Variants in PDIA6 observed in about 807,000 individuals in gnomAD.
PDIA6 encodes protein disulfide-isomerase A6.
A neutral mutation model predicts 58.4 loss-of-function variants in PDIA6; 29 were observed. The ratio of observed to expected loss-of-function variants is 0.50; its 90% confidence interval spans 0.37 to 0.68. PDIA6 has a LOEUF of 0.68. PDIA6 is among the 30% of genes least tolerant of loss of function. The pLI is 0.00. For synonymous variants in PDIA6, 192 were observed against 202.6 expected, an observed-to-expected ratio of 0.95 and a Z score of 0.44; for missense variants, 480 against 551.0, an observed-to-expected ratio of 0.87 and a Z score of 1.29.
chr2:10,828,292 G>A (rs1667611800), intron 1 of PDIA6, among the ~76,000 whole-genome samples: 2 of 152,176 alleles, frequency 1.3e-5, no homozygotes, highest in Non-Finnish European at 2.9e-5. Context: ...TGCTTTATCT[G>A]TATATCAATT....
chr2:10,826,814 C>A (rs138937456), intron 1 of PDIA6, among the ~76,000 whole-genome samples: 1 of 152,260 alleles, frequency 6.6e-6, no homozygotes, highest in African/African-American at 2.4e-5. Flanking sequence ...CCTCTGACGT[C>A]ACCTCAAACC....
chr2:10,792,994 TCAC>T, intron 5 of PDIA6, 99 bp downstream of exon 5: 1 of 761,402 alleles, frequency 1.3e-6, no homozygotes, highest in Non-Finnish European at 2.3e-6. Context: ...AATTGAGAGT[TCAC>T]CACTTTAACA....
At chr2:10,810,387 T>A in intron 1 of PDIA6, 1 of 1,487,660 alleles carries the variant, frequency 6.7e-7, no homozygotes, top group South Asian at 1.3e-5. Flanking sequence ...AGCAATAACG[T>A]CAGTCCTCTC....
At position 10,812,572 on chromosome 2, in the gene PDIA6, ACTTCCGGCCGC is replaced by A. The variant is rs1667048148; in HGVS notation, c.19+95_19+105del. 1.9e-5 allele frequency: 23 copies of A among 1,187,648 alleles called. No homozygotes were observed. In the South Asian group the frequency reaches 4.0e-4, roughly 21 times the overall value. The allele number at this position is 1,187,648 out of a possible 1,614,324, so 73.6% of individuals were successfully genotyped here. A position where few individuals can be genotyped will look rare whatever the true frequency, so the allele number is the denominator to read the frequency against. On this transcript the variant is annotated intron_variant, in intron 1 of 12. Transcript: ENST00000272227. ...CCCGCGCCTCCCGCCCGCCAGGCCC[ACTTCCGGCCGC>A]CTGCGGCCGCGGCCCGCCGGGGAAC... is the stretch of plus-strand genomic sequence containing the variant.
Position 10,786,196 on chromosome 2 carries a change from G to A in PDIA6, c.1157+1085C>T, listed in dbSNP as rs549402883. On this transcript the variant is annotated intron_variant, in intron 11 of 12. Coordinates refer to ENST00000272227, the MANE Select transcript of PDIA6 (RefSeq NM_005742.4). ...AAATTAGCTGGGCGTGGTGGCAGGC[G>A]CCTGTAATCCCAGCTACTCAGGAGG... is the stretch of plus-strand genomic sequence containing the variant. Among the ~76,000 whole-genome samples, 223 of 152,126 alleles carry A rather than the reference G, an allele frequency of 1.5e-3. 1 individual carries two copies. The highest frequency in any genetic ancestry group is 4.9e-3 in the African/African-American group (203 of 41,536).
chr2:10,793,333 TCTGA>T (rs1666124086), intron 4 of PDIA6, 131 bp from the exon 5 acceptor site: 1 of 625,178 alleles, frequency 1.6e-6, no homozygotes, highest in African/African-American at 1.8e-5. Flanking sequence ...CACGTGTATC[TCTGA>T]CAGAACACAC....
Position 10,790,893 on chromosome 2 carries a change from A to G in PDIA6, c.585-60T>C, listed in dbSNP as rs1666006080. The stretch of plus-strand genomic sequence containing the variant: ...GAGACACAGTCTCTCTCTGTTGCCC[A>G]GGCTGGAGTGCAGTGGTGCAATCAT... On this transcript the variant is annotated intron_variant, in intron 6 of 12. Transcript: ENST00000272227. 6.4e-6 allele frequency: 8 copies of G among 1,253,704 alleles called. No individual in the cohort carries two copies. In the East Asian group the frequency reaches 1.9e-4, roughly 29 times the overall value. The allele number at this position is 1,253,704 out of a possible 1,614,324, so 77.7% of individuals were successfully genotyped here. A position where few individuals can be genotyped will look rare whatever the true frequency, so the allele number is the denominator to read the frequency against.
chr2:10,810,111 G>C, intron 1 of PDIA6: 2 of 621,618 alleles, frequency 3.2e-6, no homozygotes, highest in Non-Finnish European at 5.8e-6. Context: ...AGTAACACTT[G>C]CGTGACTCTG....
At chr2:10,818,486 ATTTATTTATTT>A (rs1558460304) in intron 2 of PDIA6, among the ~76,000 whole-genome samples, 12 of 48,060 alleles carry the variant, frequency 2.5e-4, no homozygotes, top group African/African-American at 4.6e-4. Flanking sequence ...CATTTAATTT[ATTTATTTATTT>A]ATTTATTTAT....
chr2:10,834,694 T>C (rs1667785394), upstream of PDIA6, among the ~76,000 whole-genome samples: 1 of 115,028 alleles, frequency 8.7e-6, no homozygotes. Context: ...AGTGAACTAA[T>C]TTCTCTCCCT....
chr2:10,811,022 C>T (rs982584618), intron 1 of PDIA6, among the ~76,000 whole-genome samples: 1 of 152,214 alleles, frequency 6.6e-6, no homozygotes, highest in Non-Finnish European at 1.5e-5. Context: ...CTCTGTCCCA[C>T]ATCTGCTAGG....
intron 1 of PDIA6, among the ~76,000 whole-genome samples, chr2:10,823,988 C>T (rs868313588): frequency 4.6e-5 from 7 of 152,204 alleles, no homozygotes; most frequent in Admixed American, 1.3e-4. Flanking sequence ...TCCACTGAGG[C>T]CCTTGTAAGC....
Position 10,806,614 on chromosome 2 carries a change from C to T in PDIA6, c.20-3974G>A, listed in dbSNP as rs1158063850. On this transcript the variant is annotated intron_variant, in intron 1 of 12. Transcript: ENST00000272227. ...ACACAGAATAGCAAAACCACATCTCCTAAAAAATAAAGACAGAAAGAAAGA... is the reference window on the plus strand; with the variant it reads ...ACACAGAATAGCAAAACCACATCTCTTAAAAAATAAAGACAGAAAGAAAGA... Among the ~76,000 whole-genome samples, 4 of 50,550 alleles carry T rather than the reference C, an allele frequency of 7.9e-5. 1 individual carries two copies. The highest frequency in any genetic ancestry group is 1.9e-4 in the Non-Finnish European group (3 of 16,014). 33.2% of individuals were successfully genotyped at this position (50,550 alleles called of 152,430 possible).
chr2:10,785,211 C>A lies in PDIA6; in HGVS notation c.1158-181G>T, dbSNP rs566092026. The A allele has an allele frequency of 3.2e-5, 18 of 556,626 alleles. No individual in the cohort carries two copies. In the East Asian group the frequency reaches 5.3e-4, roughly 16 times the overall value. The allele number at this position is 556,626 out of a possible 1,614,324, so 34.5% of individuals were successfully genotyped here. ...ACATTATCTTTTTAATCACGGACAA[C>A]ATTACAACCAGATTCAACATTCCCA... On this transcript the variant is annotated intron_variant, in intron 11 of 12. Coordinates refer to ENST00000272227, the MANE Select transcript of PDIA6 (RefSeq NM_005742.4).
intron 1 of PDIA6, among the ~76,000 whole-genome samples, chr2:10,809,659 A>AAAAC (rs1666918469): frequency 1.3e-5 from 2 of 150,180 alleles, no homozygotes; most frequent in African/African-American, 4.9e-5. Context: ...AAAAAAAAAA[A>AAAAC]AAAAAAAAAA....
chr2:10,812,924 G>A (rs1000554546), upstream of PDIA6: 4 of 959,518 alleles, frequency 4.2e-6, no homozygotes, highest in African/African-American at 1.8e-5. Flanking sequence ...CCGGGTAGAG[G>A]TTACCGGTTT....
chr2:10,826,193 T>C (rs1390141105), intron 1 of PDIA6, among the ~76,000 whole-genome samples: 1 of 152,182 alleles, frequency 6.6e-6, no homozygotes, highest in Non-Finnish European at 1.5e-5. Flanking sequence ...CTTGATGACA[T>C]TATGCTAAGT....
chr2:10,798,567 C>G (rs1040149880), intron 2 of PDIA6, among the ~76,000 whole-genome samples: 2 of 103,302 alleles, frequency 1.9e-5, no homozygotes, highest in Admixed American at 1.0e-4. Context: ...GACTCTGTCC[C>G]CCACCCAAAA....
At chr2:10,806,444 A>G (rs1246512999) in intron 1 of PDIA6, among the ~76,000 whole-genome samples, 9 of 131,234 alleles carry the variant, frequency 6.9e-5, no homozygotes, top group African/African-American at 2.1e-4. Flanking sequence ...GTGTTTTTAC[A>G]AGAGCCAAAA....
Sources: allele counts gnomAD v4.1 joint callset (sites outside exome capture counted in the v4.1 genomes callset), GRCh38; gene constraint gnomAD v4.1.1; transcripts MANE v1.5; gene names NCBI Gene and HGNC (gene_info 2026-07-23, HGNC 2026-07-21).